The following EPHA5 variants were observed in gnomAD, a reference collection of about 807,000 sequenced individuals.
EPHA5 encodes ephrin type-A receptor 5.
Under a neutral mutation model 105.0 loss-of-function variants are expected in EPHA5, and 60 were observed. That is an observed-to-expected ratio of 0.57 (90% CI 0.46 to 0.71). EPHA5 has a LOEUF of 0.71. Among genes scored for constraint, EPHA5 ranks in the 30% least tolerant of loss-of-function variants. EPHA5 has a pLI of 0.00. For synonymous variants in EPHA5, 513 were observed against 449.1 expected (o/e 1.14, Z -1.80); for missense variants, 1,218 against 1,274.7 (o/e 0.96, Z 0.68).
intron 1 of EPHA5, among the ~76,000 whole-genome samples, chr4:65,646,762 T>C (rs901363347): frequency 6.6e-6 from 1 of 152,158 alleles, no homozygotes; most frequent in Non-Finnish European, 1.5e-5. Context: ...GGGGGCCTTC[T>C]TTTTGAACCA....
At chr4:65,507,912 TA>T (rs534523430) in intron 3 of EPHA5, among the ~76,000 whole-genome samples, 135 of 151,718 alleles carry the variant, frequency 8.9e-4, no homozygotes, top group Non-Finnish European at 1.4e-3. Flanking sequence ...TCTAAATTAA[TA>T]GATACCCAAA....
intron 1 of EPHA5, among the ~76,000 whole-genome samples, chr4:65,658,685 A>G (rs1009906682): frequency 6.6e-6 from 1 of 152,164 alleles, no homozygotes; most frequent in African/African-American, 2.4e-5. Context: ...ACAAGAAAAC[A>G]GAGGCACAGA....
At chr4:65,367,027 T>G (rs566310864) in intron 9 of EPHA5, among the ~76,000 whole-genome samples, 1 of 151,832 alleles carries the variant, frequency 6.6e-6, no homozygotes, top group Non-Finnish European at 1.5e-5. Context: ...ATTGATAGAT[T>G]TCTACTCATT....
rs1451231872 is a variant in EPHA5, at chr4:65,636,088, A to G, written c.246+7275T>C. ...TAAAATGAGATTTATATAAAACAAGACTTTTACCTTTTAAGAAAGATATTT... is the reference window on the plus strand; with the variant it reads ...TAAAATGAGATTTATATAAAACAAGGCTTTTACCTTTTAAGAAAGATATTT... On this transcript the variant is annotated intron_variant, in intron 2 of 16. Coordinates refer to ENST00000613740, the MANE Select transcript of EPHA5 (RefSeq NM_001281766.3). Among the ~76,000 whole-genome samples the G allele has an allele frequency of 2.0e-5, 3 of 152,280 alleles. No homozygotes were observed. The East Asian group carries it at 5.8e-4, about 29-fold the overall frequency.
chr4:65,481,418 C>G (rs191436653), intron 5 of EPHA5, among the ~76,000 whole-genome samples: 1 of 152,322 alleles, frequency 6.6e-6, no homozygotes, highest in African/African-American at 2.4e-5. Context: ...TAGGAGGATT[C>G]AGGTGACTGA....
chr4:65,357,775 T>C (rs1577906805), intron 11 of EPHA5, among the ~76,000 whole-genome samples: 1 of 151,416 alleles, frequency 6.6e-6, no homozygotes, highest in East Asian at 1.9e-4. Context: ...GGGGTAATAA[T>C]ACTGTATTGT....
chr4:65,614,639 G>A (rs1578584459), intron 2 of EPHA5, among the ~76,000 whole-genome samples: 1 of 151,746 alleles, frequency 6.6e-6, no homozygotes, highest in Non-Finnish European at 1.5e-5. Context: ...GCTAAATATA[G>A]GCTAATGCTT....
intron 1 of EPHA5, among the ~76,000 whole-genome samples, chr4:65,668,403 C>G (rs529000993): frequency 6.6e-6 from 1 of 152,224 alleles, no homozygotes; most frequent in East Asian, 1.9e-4. Flanking sequence ...AGCCCCAAAC[C>G]GAAACCTCAC....
intron 11 of EPHA5, among the ~76,000 whole-genome samples, chr4:65,357,990 TG>T (rs1723468889): frequency 6.6e-6 from 1 of 151,432 alleles, no homozygotes; most frequent in Non-Finnish European, 1.5e-5. Context: ...GAAACAAATT[TG>T]GGGAATGTTG....
At chr4:65,666,508 C>A (rs1057009307) in intron 1 of EPHA5, among the ~76,000 whole-genome samples, 1 of 152,158 alleles carries the variant, frequency 6.6e-6, no homozygotes, top group Non-Finnish European at 1.5e-5. Context: ...GACATGAACC[C>A]TTTACTTACT....
intron 2 of EPHA5, among the ~76,000 whole-genome samples, chr4:65,629,771 G>T (rs936247548): frequency 1.3e-5 from 2 of 151,980 alleles, no homozygotes; most frequent in Non-Finnish European, 2.9e-5. Context: ...TGTGTTTAAC[G>T]CATGATTCCA....
Position 65,669,906 on chromosome 4 carries a change from G to T in EPHA5, c.-164C>A. ...AAATGTAGGAACCACGGATCCGGCT[G>T]AGACAGCTGAAGTTTGCTTCTGGCT... On this transcript the variant is annotated 5_prime_UTR_variant, in exon 1 of 17. Coordinates refer to ENST00000613740, the MANE Select transcript of EPHA5 (RefSeq NM_001281766.3). The T allele has an allele frequency of 6.4e-6, 7 of 1,100,506 alleles. No homozygotes were observed. The highest frequency in any genetic ancestry group is 1.6e-5 in the African/African-American group (1 of 61,936). 68.2% of individuals were successfully genotyped at this position (1,100,506 alleles called of 1,614,324 possible).
intron 3 of EPHA5, among the ~76,000 whole-genome samples, chr4:65,522,507 A>G (rs1486584705): frequency 6.6e-6 from 1 of 151,876 alleles, no homozygotes; most frequent in Non-Finnish European, 1.5e-5. Context: ...TATCTGGAGT[A>G]CTGAGACTTA....
chr4:65,430,215 A>G (rs1046251908), intron 5 of EPHA5, among the ~76,000 whole-genome samples: 1 of 152,120 alleles, frequency 6.6e-6, no homozygotes, highest in Non-Finnish European at 1.5e-5. Context: ...ATGCTGATAA[A>G]ATATATAATT....
At chr4:65,515,931 C>G (rs1182760184) in intron 3 of EPHA5, among the ~76,000 whole-genome samples, 1 of 152,120 alleles carries the variant, frequency 6.6e-6, no homozygotes, top group East Asian at 1.9e-4. Context: ...ACTAGGACAT[C>G]CATCTTCTCC....
At chr4:65,590,148 G>A (rs1259567012) in intron 3 of EPHA5, among the ~76,000 whole-genome samples, 1 of 152,070 alleles carries the variant, frequency 6.6e-6, no homozygotes, top group East Asian at 1.9e-4. Flanking sequence ...TGCTCTAATT[G>A]TTACTTCCTC....
intron 1 of EPHA5, among the ~76,000 whole-genome samples, chr4:65,661,686 GC>G (rs1399411835): frequency 6.6e-6 from 1 of 151,980 alleles, no homozygotes; most frequent in African/African-American, 2.4e-5. Flanking sequence ...TTGGGTGAAA[GC>G]CAAGTTAGAA....
intron 14 of EPHA5, among the ~76,000 whole-genome samples, chr4:65,340,840 T>A (rs2148823870): frequency 6.6e-6 from 1 of 152,322 alleles, no homozygotes; most frequent in East Asian, 1.9e-4. Context: ...CACTAGCTGC[T>A]GTGCTGTAAA....
chr4:65,495,459 G>A lies in EPHA5; in HGVS notation c.995C>T (p.Ala332Val), dbSNP rs776252545. ...CTTTTCACAGACACAAGAGGTTGAA[G>A]CTTCCTCATGGGTATAACTGTGAGG... ...CPPHSYTHEE[A>V]STSCVCEKDY... Residue 332 changes from alanine to valine, a missense_variant, in exon 4 of 17, where the codon GCT becomes GTT. Ala to Val is a moderately conservative substitution (Grantham distance 64). This residue lies in a region of EPHA5 where 971 missense variants were observed against 1,013.5 expected (regional missense o/e 0.96). Coordinates refer to ENST00000613740, the MANE Select transcript of EPHA5 (RefSeq NM_001281766.3). The A allele has an allele frequency of 1.2e-6, 2 of 1,613,898 alleles. No homozygotes were observed. The highest frequency in any genetic ancestry group is 1.7e-6 in the Non-Finnish European group (2 of 1,179,858).
Sources: allele counts gnomAD v4.1 joint callset (sites outside exome capture counted in the v4.1 genomes callset), GRCh38; gene constraint gnomAD v4.1.1; regional missense constraint gnomAD v4.1.1; transcripts MANE v1.5; gene names NCBI Gene and HGNC (gene_info 2026-07-23, HGNC 2026-07-21).